Variants in EIPR1 observed in about 807,000 individuals in gnomAD.
EIPR1 encodes the protein EARP and GARP complex-interacting protein 1.
EIPR1 carries 25 observed loss-of-function variants against 48.1 expected under a neutral mutation model. The observed-to-expected ratio is 0.52, with a 90% CI of 0.38 to 0.73. The LOEUF is 0.73. Among genes scored for constraint, EIPR1 ranks in the 30% least tolerant of loss-of-function variants. The pLI is 0.00. For synonymous variants in EIPR1, 204 were observed against 201.9 expected (o/e 1.01, Z -0.09); for missense variants, 415 against 506.2 (o/e 0.82, Z 1.73).
intron 3 of EIPR1, among the ~76,000 whole-genome samples, chr2:3,328,283 G>A (rs551221192): frequency 2.0e-5 from 3 of 152,322 alleles, no homozygotes; most frequent in African/African-American, 7.2e-5. Context: ...CCACCCCTAT[G>A]GCCTGCTCAT....
intron 1 of EIPR1, among the ~76,000 whole-genome samples, chr2:3,363,903 A>G (rs1670911647): frequency 6.6e-6 from 1 of 152,146 alleles, no homozygotes; most frequent in Admixed American, 6.5e-5. Flanking sequence ...CAACAGGTCT[A>G]TGAAAACATG....
intron 5 of EIPR1, chr2:3,208,365 C>A: frequency 2.5e-6 from 3 of 1,224,388 alleles, no homozygotes; most frequent in South Asian, 1.6e-5. Context: ...GGGTGGGACT[C>A]ATTTATAGGG....
intron 3 of EIPR1, among the ~76,000 whole-genome samples, chr2:3,318,481 A>C: frequency 6.6e-6 from 1 of 152,228 alleles, no homozygotes; most frequent in East Asian, 1.9e-4. Context: ...GGTGCTACAG[A>C]AAGTCAATGA....
At chr2:3,277,757 T>C (rs1667899966) in intron 3 of EIPR1, among the ~76,000 whole-genome samples, 1 of 152,238 alleles carries the variant, frequency 6.6e-6, no homozygotes, top group South Asian at 2.1e-4. Flanking sequence ...ATTTACTTGT[T>C]GCGCAGCCTC....
At chr2:3,327,464 G>A (rs1240306300) in intron 3 of EIPR1, among the ~76,000 whole-genome samples, 2 of 152,230 alleles carry the variant, frequency 1.3e-5, no homozygotes, top group South Asian at 2.1e-4. Flanking sequence ...GATAACAGGT[G>A]TGAGTCACTG....
chr2:3,346,851 A>G (rs1670417050), intron 2 of EIPR1, among the ~76,000 whole-genome samples: 1 of 152,236 alleles, frequency 6.6e-6, no homozygotes, highest in African/African-American at 2.4e-5. Context: ...CCAGCTGAAC[A>G]CTTGCAGGAA....
intron 3 of EIPR1, among the ~76,000 whole-genome samples, chr2:3,329,243 A>ATG (rs1669808778): frequency 4.2e-5 from 2 of 48,148 alleles, no homozygotes; most frequent in East Asian, 3.9e-3. Flanking sequence ...ATCTCAGGGC[A>ATG]CCAGCTGGGC....
intron 3 of EIPR1, among the ~76,000 whole-genome samples, chr2:3,258,580 C>T (rs1384221941): frequency 6.6e-6 from 1 of 152,122 alleles, no homozygotes; most frequent in Non-Finnish European, 1.5e-5. Flanking sequence ...AGGTTACAAT[C>T]GAAAATGTAT....
At chr2:3,311,801 G>A (rs1370520383) in intron 3 of EIPR1, among the ~76,000 whole-genome samples, 1 of 151,074 alleles carries the variant, frequency 6.6e-6, no homozygotes, top group African/African-American at 2.4e-5. Context: ...CATTCGCGGG[G>A]TGCTGGGCGG....
chr2:3,248,437 T>G (rs1666906937), intron 4 of EIPR1, among the ~76,000 whole-genome samples: 1 of 151,978 alleles, frequency 6.6e-6, no homozygotes, highest in African/African-American at 2.4e-5. Flanking sequence ...CTACTAAAAG[T>G]ACAAAAATTA....
At chr2:3,267,940 C>T (rs1240439340) in intron 3 of EIPR1, among the ~76,000 whole-genome samples, 1 of 152,234 alleles carries the variant, frequency 6.6e-6, no homozygotes, top group Non-Finnish European at 1.5e-5. Flanking sequence ...CCCTGCAGAC[C>T]GTGCCCTGTG....
intron 4 of EIPR1, among the ~76,000 whole-genome samples, chr2:3,252,621 A>G (rs867257023): frequency 6.6e-6 from 1 of 152,134 alleles, no homozygotes; most frequent in Admixed American, 6.6e-5. Flanking sequence ...AAAATTGGGC[A>G]AAATGGCAAG....
chr2:3,306,953 CTTTTT>C, intron 3 of EIPR1, among the ~76,000 whole-genome samples: 1 of 148,784 alleles, frequency 6.7e-6, no homozygotes, highest in East Asian at 1.9e-4. Flanking sequence ...AAACTCCAAT[CTTTTT>C]ATTTTTTTTT....
chr2:3,208,787 G>A (rs1466039380), intron 5 of EIPR1: 1 of 1,548,900 alleles, frequency 6.5e-7, no homozygotes, highest in East Asian at 2.4e-5. Context: ...CTTGAGTGAG[G>A]CTCGTGGCAG....
chr2:3,367,001 C>A (rs10198475), intron 1 of EIPR1, among the ~76,000 whole-genome samples: 2 of 151,550 alleles, frequency 1.3e-5, no homozygotes, highest in African/African-American at 4.9e-5. Context: ...GCCAAGATTG[C>A]GCCACTGTAC....
intron 3 of EIPR1, among the ~76,000 whole-genome samples, chr2:3,306,786 G>C (rs1668957101): frequency 6.6e-6 from 1 of 152,136 alleles, no homozygotes; most frequent in Admixed American, 6.6e-5. Context: ...TGCTGCCTCA[G>C]GGGCAGCAGA....
intron 3 of EIPR1, among the ~76,000 whole-genome samples, chr2:3,281,421 C>T (rs1486528493): frequency 6.6e-6 from 1 of 151,892 alleles, no homozygotes; most frequent in Non-Finnish European, 1.5e-5. Flanking sequence ...AGGGATTAGG[C>T]GCCTGGGAAT....
At chr2:3,299,178 G>T (rs1328026732) in intron 3 of EIPR1, among the ~76,000 whole-genome samples, 1 of 152,244 alleles carries the variant, frequency 6.6e-6, no homozygotes, top group African/African-American at 2.4e-5. Flanking sequence ...CCTAGCTGTT[G>T]CTGAGAATGT....
chr2:3,322,992 C>T (rs970128781), intron 3 of EIPR1, among the ~76,000 whole-genome samples: 1 of 152,166 alleles, frequency 6.6e-6, no homozygotes, highest in African/African-American at 2.4e-5. Context: ...CGAAAAGCGA[C>T]AAACGTTACG....
Sources: gnomAD v4.1 joint callset for allele counts (sites outside exome capture counted in the v4.1 genomes callset) on GRCh38, gnomAD v4.1.1 for gene constraint, MANE v1.5 for transcripts, NCBI Gene and HGNC (gene_info 2026-07-23, HGNC 2026-07-21) for gene names.